FBXL17: variants seen among roughly 807,000 people sequenced by gnomAD.
FBXL17 encodes the protein F-box and leucine rich repeat protein 17.
Under a neutral mutation model 66.2 loss-of-function variants are expected in FBXL17, and 22 were observed. The ratio of observed to expected loss-of-function variants is 0.33; its 90% CI spans 0.24 to 0.47. FBXL17 has a LOEUF of 0.47. Among genes scored for constraint, FBXL17 ranks in the 20% least tolerant of loss-of-function variants. The probability of loss-of-function intolerance (pLI) is 1.00; values close to 1 mark genes in which losing one functional copy is unlikely to be tolerated. For synonymous variants in FBXL17, 474 were observed against 400.5 expected, an observed-to-expected ratio of 1.18 and a Z score of -2.19; for missense variants, 878 against 948.2, an observed-to-expected ratio of 0.93 and a Z score of 0.97.
At chr5:108,020,839 T>C (rs535747556) in intron 7 of FBXL17, 86 bp downstream of exon 7, 96 of 932,144 alleles carry the variant, frequency 1.0e-4, no homozygotes, top group Admixed American at 9.4e-4. Flanking sequence ...CTCTATGATA[T>C]AGTTCTTGAT....
intron 7 of FBXL17, among the ~76,000 whole-genome samples, chr5:107,942,770 T>C (rs917590194): frequency 3.7e-5 from 2 of 54,486 alleles, no homozygotes; most frequent in African/African-American, 1.7e-4. Flanking sequence ...ATCTCCCTTC[T>C]TGAAAAGAAA....
intron 6 of FBXL17, among the ~76,000 whole-genome samples, chr5:108,077,510 A>G (rs1748598129): frequency 6.6e-6 from 1 of 152,108 alleles, no homozygotes; most frequent in Non-Finnish European, 1.5e-5. Flanking sequence ...AAAAAATCAA[A>G]AAATTAACCA....
chr5:108,379,665 G>C (rs141439488), intron 1 of FBXL17, among the ~76,000 whole-genome samples: 1 of 152,170 alleles, frequency 6.6e-6, no homozygotes, highest in Non-Finnish European at 1.5e-5. Context: ...CTAGTCTCTA[G>C]TATCATCCAC....
chr5:108,299,311 C>T (rs1385112300), intron 4 of FBXL17: 1 of 984,502 alleles, frequency 1.0e-6, no homozygotes, highest in Non-Finnish European at 1.2e-6. Flanking sequence ...TTCTCACCCA[C>T]CCATCTCCCT....
intron 6 of FBXL17, among the ~76,000 whole-genome samples, chr5:108,038,459 C>T (rs553887206): frequency 2.3e-4 from 35 of 152,042 alleles, no homozygotes; most frequent in Non-Finnish European, 4.3e-4. Flanking sequence ...AATTGTGTTT[C>T]GGTGATGGGT....
At chr5:108,305,222 T>C (rs548922683) in intron 4 of FBXL17, among the ~76,000 whole-genome samples, 1 of 152,186 alleles carries the variant, frequency 6.6e-6, no homozygotes, top group South Asian at 2.1e-4. Context: ...AAGTCAGGTT[T>C]GCTACCACAT....
intron 4 of FBXL17, among the ~76,000 whole-genome samples, chr5:108,292,932 A>T (rs1195428448): frequency 3.3e-5 from 5 of 152,190 alleles, no homozygotes; most frequent in African/African-American, 9.6e-5. Context: ...CTACTAAAAA[A>T]TACAAAAAAT....
At position 108,220,098 on chromosome 5, in the gene FBXL17, G is replaced by A. The variant is rs1248250730; in HGVS notation, c.1614+4023C>T. On this transcript the variant is annotated intron_variant, in intron 5 of 8. Transcript: ENST00000542267. Reference sequence around the variant, plus strand: ...ACTTTAGTAGCATCACACTAAATCTGATACATTGTGTTTTCATTTTCATTC... The same window carrying A: ...ACTTTAGTAGCATCACACTAAATCTAATACATTGTGTTTTCATTTTCATTC... Among the ~76,000 whole-genome samples, 10 of 151,834 alleles carry A rather than the reference G, an allele frequency of 6.6e-5. No homozygotes were observed. In the South Asian group the frequency reaches 1.3e-3, roughly 19 times the overall value.
chr5:107,934,048 C>T (rs1234485913), intron 7 of FBXL17, among the ~76,000 whole-genome samples: 1 of 152,112 alleles, frequency 6.6e-6, no homozygotes, highest in Non-Finnish European at 1.5e-5. Context: ...TGTCTTTTGA[C>T]ATCACAGGTG....
intron 6 of FBXL17, among the ~76,000 whole-genome samples, chr5:108,113,335 T>C (rs1230757560): frequency 6.6e-6 from 1 of 152,102 alleles, no homozygotes; most frequent in Non-Finnish European, 1.5e-5. Context: ...AGCCTTTAAA[T>C]CTAATATGCA....
Position 107,955,926 on chromosome 5 carries a change from A to G in FBXL17, c.1822+64999T>C, listed in dbSNP as rs147114721. Among the ~76,000 whole-genome samples, 852 of 152,348 alleles carry G rather than the reference A, an allele frequency of 5.6e-3. 10 individuals carry two copies. The highest frequency in any genetic ancestry group is 0.02 in the African/African-American group (821 of 41,588). Reference sequence around the variant, plus strand: ...ATTCTGATCCCATGAAAATAAAAACATCTTTAGCGTTACTTGCTAAAAAAT... The same window carrying G: ...ATTCTGATCCCATGAAAATAAAAACGTCTTTAGCGTTACTTGCTAAAAAAT... On this transcript the variant is annotated intron_variant, in intron 7 of 8. Transcript: ENST00000542267.
chr5:108,154,369 G>A (rs1258209623), intron 6 of FBXL17, among the ~76,000 whole-genome samples: 3 of 149,930 alleles, frequency 2.0e-5, no homozygotes, highest in Non-Finnish European at 4.4e-5. Flanking sequence ...CGAGGCAGGC[G>A]GATCACCTGA....
chr5:108,167,889 T>A (rs935287985), intron 6 of FBXL17, among the ~76,000 whole-genome samples: 3 of 152,036 alleles, frequency 2.0e-5, no homozygotes. Flanking sequence ...GGGAAAAAAT[T>A]ATCCAAGAAA....
intron 5 of FBXL17, among the ~76,000 whole-genome samples, chr5:108,197,172 C>T (rs937867853): frequency 6.6e-6 from 1 of 152,196 alleles, no homozygotes; most frequent in Non-Finnish European, 1.5e-5. Flanking sequence ...ACAAACAGCA[C>T]TTAAAGTTAG....
At chr5:108,339,213 G>A (rs186497362) in intron 4 of FBXL17, among the ~76,000 whole-genome samples, 1 of 152,138 alleles carries the variant, frequency 6.6e-6, no homozygotes, top group Admixed American at 6.5e-5. Flanking sequence ...ATAAGTCTTG[G>A]ATATCCTAAA....
intron 4 of FBXL17, among the ~76,000 whole-genome samples, chr5:108,346,759 TAGAC>T (rs1258134757): frequency 6.6e-6 from 1 of 152,144 alleles, no homozygotes; most frequent in Middle Eastern, 3.4e-3. Flanking sequence ...AACTAGCAAA[TAGAC>T]AGATATCAAT....
chr5:108,055,608 CAAAAAAAAAA>C (rs55653715), intron 6 of FBXL17, among the ~76,000 whole-genome samples: 10 of 51,148 alleles, frequency 2.0e-4, no homozygotes, highest in Admixed American at 5.2e-4. Context: ...GACTCTGTCT[CAAAAAAAAAA>C]AAAAAAAAAA....
intron 6 of FBXL17, among the ~76,000 whole-genome samples, chr5:108,123,992 T>G (rs1750601102): frequency 1.3e-5 from 2 of 152,104 alleles, no homozygotes; most frequent in Non-Finnish European, 2.9e-5. Context: ...AAAGATACAA[T>G]AAGTTTGAGT....
intron 7 of FBXL17, among the ~76,000 whole-genome samples, chr5:108,007,089 A>G (rs1192448682): frequency 6.6e-6 from 1 of 152,188 alleles, no homozygotes; most frequent in Non-Finnish European, 1.5e-5. Context: ...ACTGTTGACA[A>G]AGTTTTAATT....
Sources: gnomAD v4.1 joint callset for allele counts (sites outside exome capture counted in the v4.1 genomes callset) on GRCh38, gnomAD v4.1.1 for gene constraint, MANE v1.5 for transcripts, NCBI Gene and HGNC (gene_info 2026-07-23, HGNC 2026-07-21) for gene names.